Variants in RBFOX1 observed in about 807,000 individuals in gnomAD.
The protein encoded by RBFOX1 is RNA binding protein fox-1 homolog 1.
Under a neutral mutation model 57.7 loss-of-function variants are expected in RBFOX1, and 8 were observed. The ratio of observed to expected loss-of-function variants is 0.14; its 90% CI spans 0.08 to 0.25. The LOEUF (loss-of-function observed/expected upper bound fraction) is 0.25. Ranked by LOEUF, RBFOX1 falls within the 10% of genes least tolerant of loss-of-function variation. The probability of loss-of-function intolerance (pLI) is 1.00; values close to 1 mark genes in which losing one functional copy is unlikely to be tolerated. For synonymous variants in RBFOX1, 326 were observed against 222.4 expected, an observed-to-expected ratio of 1.47 and a Z score of -4.15; for missense variants, 611 against 548.5, an observed-to-expected ratio of 1.11 and a Z score of -1.14.
At chr16:6,858,810 G>A (rs940835951) in intron 3 of RBFOX1, among the ~76,000 whole-genome samples, 9 of 151,958 alleles carry the variant, frequency 5.9e-5, no homozygotes, top group African/African-American at 1.7e-4. Context: ...AGTGGCATTC[G>A]CCTCTGCTGG....
intron 3 of RBFOX1, among the ~76,000 whole-genome samples, chr16:7,035,553 G>A (rs779110847): frequency 2.0e-5 from 3 of 152,054 alleles, no homozygotes; most frequent in Non-Finnish European, 2.9e-5. Flanking sequence ...AACGCTACTT[G>A]TGAAAATATT....
Position 7,551,174 on chromosome 16 carries a change from G to A in RBFOX1, c.271-28603G>A, listed in dbSNP as rs548907661. Among the ~76,000 whole-genome samples the A allele has an allele frequency of 7.9e-5, 12 of 151,494 alleles. No individual in the cohort carries two copies. The East Asian group carries it at 9.8e-4, about 12-fold the overall frequency. On this transcript the variant is annotated intron_variant, in intron 5 of 15. Coordinates refer to ENST00000550418, the MANE Select transcript of RBFOX1 (RefSeq NM_018723.4). Reference sequence around the variant, plus strand: ...AGAGTAACAGGGACTGGTGTGCACCGCTGCCTTAAAGAACTTTTAAAAAGG... The same window carrying A: ...AGAGTAACAGGGACTGGTGTGCACCACTGCCTTAAAGAACTTTTAAAAAGG...
chr16:7,322,526 A>G (rs945299875), intron 4 of RBFOX1, among the ~76,000 whole-genome samples: 1 of 152,188 alleles, frequency 6.6e-6, no homozygotes, highest in African/African-American at 2.4e-5. Context: ...TGGAAATCTG[A>G]TGGACAGTCA....
In RBFOX1 at chr16:7,712,609, C is replaced by G. The variant is rs2084167897; in HGVS notation, c.*1864C>G. On this transcript the variant is annotated 3_prime_UTR_variant, in exon 16 of 16. Coordinates refer to ENST00000550418, the MANE Select transcript of RBFOX1 (RefSeq NM_018723.4). ...CCAAAAGCATATAAAGTGTTCTTTT[C>G]ACCAGACTTCTTTGGGTGGGTGAGG... is the stretch of plus-strand genomic sequence containing the variant. 1 of 152,454 alleles carries G rather than the reference C, an allele frequency of 6.6e-6. No individual in the cohort carries two copies. The highest frequency in any genetic ancestry group is 2.1e-4 in the South Asian group (1 of 4,820). 9.4% of individuals were successfully genotyped at this position (152,454 alleles called of 1,614,324 possible).
intron 3 of RBFOX1, among the ~76,000 whole-genome samples, chr16:6,985,838 A>AAAAAAAAAC (rs1216698876): frequency 4.1e-5 from 5 of 122,746 alleles, no homozygotes; most frequent in Non-Finnish European, 7.8e-5. Flanking sequence ...CATGTAAAAA[A>AAAAAAAAAC]AAAAAAAAAC....
At chr16:7,663,818 G>A (rs1488969163) in intron 12 of RBFOX1, among the ~76,000 whole-genome samples, 3 of 152,156 alleles carry the variant, frequency 2.0e-5, no homozygotes, top group African/African-American at 7.2e-5. Context: ...ACCTGTGAAG[G>A]CTACATATGA....
chr16:7,098,037 T>C (rs2061995236), intron 4 of RBFOX1, among the ~76,000 whole-genome samples: 1 of 152,206 alleles, frequency 6.6e-6, no homozygotes, highest in Admixed American at 6.5e-5. Flanking sequence ...GATGGAGTAT[T>C]CAAGTAAAGC....
intron 1 of RBFOX1, among the ~76,000 whole-genome samples, chr16:5,258,857 A>G (rs1335063099): frequency 1.3e-5 from 2 of 152,048 alleles, no homozygotes; most frequent in African/African-American, 4.8e-5. Flanking sequence ...TGGAAGTTGC[A>G]GTGAGCTAAG....
chr16:7,371,804 A>G (rs1377690277), intron 4 of RBFOX1, among the ~76,000 whole-genome samples: 1 of 152,220 alleles, frequency 6.6e-6, no homozygotes, highest in African/African-American at 2.4e-5. Context: ...GCATACAGAT[A>G]TATGTTGTTT....
intron 2 of RBFOX1, among the ~76,000 whole-genome samples, chr16:6,426,085 C>CGT (rs1555467243): frequency 7.1e-6 from 1 of 141,454 alleles, no homozygotes; most frequent in Non-Finnish European, 1.5e-5. Context: ...TCATTTTCTC[C>CGT]CTCTCTCTCT....
At chr16:5,589,431 C>T (rs760443967) in intron 2 of RBFOX1, among the ~76,000 whole-genome samples, 1 of 152,162 alleles carries the variant, frequency 6.6e-6, no homozygotes, top group Non-Finnish European at 1.5e-5. Context: ...TGAGGATGAG[C>T]GTTCTCTTTC....
intron 3 of RBFOX1, among the ~76,000 whole-genome samples, chr16:6,681,796 A>G (rs999868829): frequency 3.9e-5 from 6 of 152,194 alleles, no homozygotes; most frequent in Non-Finnish European, 7.3e-5. Context: ...TGTAATGTGG[A>G]GATAATAGCT....
intron 4 of RBFOX1, among the ~76,000 whole-genome samples, chr16:7,311,836 G>T (rs1363420855): frequency 6.6e-6 from 1 of 152,180 alleles, no homozygotes; most frequent in Admixed American, 6.6e-5. Flanking sequence ...TAGTGTTTCT[G>T]AAGTTATATG....
chr16:6,040,239 G>T (rs749729491), intron 1 of RBFOX1, among the ~76,000 whole-genome samples: 9 of 152,182 alleles, frequency 5.9e-5, no homozygotes, highest in Admixed American at 2.6e-4. Flanking sequence ...CCATTTTGAA[G>T]TGTATGGTTC....
At chr16:7,443,007 C>G (rs2098780882) in intron 4 of RBFOX1, among the ~76,000 whole-genome samples, 1 of 152,170 alleles carries the variant, frequency 6.6e-6, no homozygotes, top group Non-Finnish European at 1.5e-5. Flanking sequence ...GAAACACCAT[C>G]AAACACTTTA....
intron 3 of RBFOX1, among the ~76,000 whole-genome samples, chr16:6,724,720 A>C (rs942703013): frequency 1.4e-4 from 21 of 152,096 alleles, no homozygotes; most frequent in Non-Finnish European, 1.5e-5. Context: ...ATATAGGGTA[A>C]CTTTTTTTTT....
At chr16:7,691,199 T>C (rs1034268559) in intron 14 of RBFOX1, among the ~76,000 whole-genome samples, 6 of 134,528 alleles carry the variant, frequency 4.5e-5, no homozygotes, top group Non-Finnish European at 1.0e-4. Context: ...TCACTATTAT[T>C]GAGAACTCTG....
At chr16:5,703,127 C>G (rs964308) in intron 3 of RBFOX1, among the ~76,000 whole-genome samples, 1 of 152,100 alleles carries the variant, frequency 6.6e-6, no homozygotes, top group African/African-American at 2.4e-5. Flanking sequence ...CATTTACAGT[C>G]TAAGGCATGA....
chr16:6,497,833 A>G (rs1345201924), intron 2 of RBFOX1, among the ~76,000 whole-genome samples: 3 of 152,100 alleles, frequency 2.0e-5, no homozygotes, highest in African/African-American at 7.2e-5. Context: ...TAGGTATTAC[A>G]GGCGTGAGTC....
Sources: gnomAD v4.1 joint callset for allele counts (sites outside exome capture counted in the v4.1 genomes callset) on GRCh38, gnomAD v4.1.1 for gene constraint, MANE v1.5 for transcripts, NCBI Gene and HGNC (gene_info 2026-07-23, HGNC 2026-07-21) for gene names.